DIP2C: variants seen among roughly 807,000 people sequenced by gnomAD.
DIP2C encodes disco-interacting protein 2 homolog C.
A neutral mutation model predicts 192.4 loss-of-function variants in DIP2C; 33 were observed. That is an observed-to-expected ratio of 0.17 (90% CI 0.13 to 0.23). The LOEUF is 0.23. Among genes scored for constraint, DIP2C ranks in the 10% least tolerant of loss-of-function variants. The pLI is 1.00. For missense variants in DIP2C, 1,537 were observed against 2,110.1 expected, an observed-to-expected ratio of 0.73 and a Z score of 5.32; for synonymous variants, 979 against 864.1, an observed-to-expected ratio of 1.13 and a Z score of -2.33.
chr10:283,144 G>A, intron 35 of DIP2C, 128 bp downstream of exon 35: 3 of 1,278,450 alleles, frequency 2.3e-6, no homozygotes, highest in Non-Finnish European at 3.3e-6. Flanking sequence ...TTTTCACACT[G>A]GGTTGTAGCT....
At chr10:663,180 T>A in intron 1 of DIP2C, 1 of 404,988 alleles carries the variant, frequency 2.5e-6, no homozygotes, top group South Asian at 8.2e-5. Flanking sequence ...CCAGTGTAAA[T>A]AAACTGTGGA....
At chr10:291,238 G>C (rs542918171) in intron 32 of DIP2C, among the ~76,000 whole-genome samples, 94 of 152,234 alleles carry the variant, frequency 6.2e-4, no homozygotes, top group Non-Finnish European at 1.2e-3. Context: ...AGGAAGCGAA[G>C]CAAGACGGAA....
intron 5 of DIP2C, among the ~76,000 whole-genome samples, chr10:419,741 G>T (rs1966051447): frequency 6.6e-6 from 1 of 152,144 alleles, no homozygotes; most frequent in Non-Finnish European, 1.5e-5. Context: ...CTTCATAAAA[G>T]GGGGAGACAT....
chr10:494,412 T>C (rs953898386), intron 1 of DIP2C, among the ~76,000 whole-genome samples: 30 of 152,144 alleles, frequency 2.0e-4, no homozygotes, highest in Admixed American at 7.9e-4. Context: ...AGCATTATCT[T>C]CCTATTTTAG....
intron 32 of DIP2C, among the ~76,000 whole-genome samples, chr10:289,226 G>A (rs1200431669): frequency 6.6e-6 from 1 of 151,764 alleles, no homozygotes; most frequent in East Asian, 1.9e-4. Context: ...GCGGGCAGGG[G>A]GCCTGTGGGC....
intron 1 of DIP2C, among the ~76,000 whole-genome samples, chr10:491,873 G>A (rs1439076119): frequency 2.0e-5 from 3 of 152,176 alleles, no homozygotes; most frequent in Admixed American, 1.3e-4. Context: ...CACAGGTATC[G>A]CCCCGTCAGG....
intron 1 of DIP2C, among the ~76,000 whole-genome samples, chr10:583,432 G>C (rs1347087737): frequency 6.6e-6 from 1 of 152,206 alleles, no homozygotes; most frequent in African/African-American, 2.4e-5. Flanking sequence ...GTCCTTTACG[G>C]AAGGTTCACA....
chr10:356,462 G>A lies in DIP2C; in HGVS notation c.2949C>T (p.Thr983=). ...SEVLQWRAQT[T]PDHILYTLLN... ...GCAGCGTGTAGAGGATGTGGTCCGG[G>A]GTGGTCTGTGCTCTCCACTGCAAGA... The change falls in exon 24 of 37, where the codon ACC becomes ACT. Residue 983 remains threonine, a synonymous_variant. Transcript: ENST00000280886. 3 of 1,612,134 alleles carry A rather than the reference G, an allele frequency of 1.9e-6. No individual in the cohort carries two copies. In the Middle Eastern group the frequency reaches 5.0e-4, roughly 266 times the overall value.
At chr10:613,566 C>T (rs1252419441) in intron 1 of DIP2C, among the ~76,000 whole-genome samples, 1 of 152,204 alleles carries the variant, frequency 6.6e-6, no homozygotes, top group Non-Finnish European at 1.5e-5. Context: ...TATGCGATTC[C>T]TTACCTCTCA....
intron 1 of DIP2C, chr10:662,695 A>G (rs1588713970): frequency 3.6e-6 from 2 of 554,138 alleles, no homozygotes; most frequent in Non-Finnish European, 6.6e-6. Context: ...CAAATTAGGT[A>G]TGGGCAGAAA....
At chr10:639,511 C>A (rs1855046163) in intron 1 of DIP2C, among the ~76,000 whole-genome samples, 1 of 152,258 alleles carries the variant, frequency 6.6e-6, no homozygotes, top group Non-Finnish European at 1.5e-5. Context: ...TGCTGCCCGG[C>A]TCTCAGTATC....
chr10:330,225 A>G (rs1290276661), intron 29 of DIP2C, among the ~76,000 whole-genome samples: 1 of 152,240 alleles, frequency 6.6e-6, no homozygotes, highest in Non-Finnish European at 1.5e-5. Context: ...CAATCTTTTT[A>G]AGATCAGATT....
intron 29 of DIP2C, among the ~76,000 whole-genome samples, chr10:338,500 C>T (rs961100206): frequency 6.6e-6 from 1 of 151,976 alleles, no homozygotes; most frequent in Non-Finnish European, 1.5e-5. Context: ...TCTCGACACA[C>T]GACCACTTAC....
At chr10:624,146 CG>C (rs1230611904) in intron 1 of DIP2C, among the ~76,000 whole-genome samples, 6 of 152,220 alleles carry the variant, frequency 3.9e-5, no homozygotes, top group Non-Finnish European at 7.3e-5. Context: ...GGGAGCCGCA[CG>C]GCGAGGCCCC....
chr10:327,187 T>C lies in DIP2C; in HGVS notation c.3754-11A>G, dbSNP rs369055272. The C allele has an allele frequency of 9.3e-6, 15 of 1,611,560 alleles. No homozygotes were observed. The highest frequency in any genetic ancestry group is 2.2e-5 in the East Asian group (1 of 44,862). On this transcript the variant is annotated splice_polypyrimidine_tract_variant and intron_variant, in intron 30 of 36. Coordinates refer to ENST00000280886, the MANE Select transcript of DIP2C (RefSeq NM_014974.3). ...GTCCAGCCCTCGCGCCTGGAGATGA[T>C]GACAGAGAAACCGAGTCAGCCCCCA...
intron 1 of DIP2C, among the ~76,000 whole-genome samples, chr10:618,531 G>A (rs1451342553): frequency 6.6e-6 from 1 of 152,222 alleles, no homozygotes; most frequent in African/African-American, 2.4e-5. Context: ...ATACCACACA[G>A]CGTCCACGCC....
intron 1 of DIP2C, among the ~76,000 whole-genome samples, chr10:597,937 C>G (rs1851813125): frequency 6.6e-6 from 1 of 152,140 alleles, no homozygotes; most frequent in African/African-American, 2.4e-5. Flanking sequence ...AGGAAAGCAC[C>G]CATCTGTCCA....
rs193038390 is a variant in DIP2C, at chr10:541,499, C to A, written c.86-54969G>T. Among the ~76,000 whole-genome samples the A allele has an allele frequency of 1.5e-4, 20 of 135,154 alleles. No individual in the cohort carries two copies. In the East Asian group the frequency reaches 4.7e-3, roughly 32 times the overall value. The allele number at this position is 135,154 out of a possible 152,430, so 88.7% of individuals were successfully genotyped here. A position where few individuals can be genotyped will look rare whatever the true frequency, so the allele number is the denominator to read the frequency against. On this transcript the variant is annotated intron_variant, in intron 1 of 36. Coordinates refer to ENST00000280886, the MANE Select transcript of DIP2C (RefSeq NM_014974.3). ...ACCCCCATATCTCTCCTGGATCCCACAGCATGACCCTCCACACTGACCACA... is the reference window on the plus strand; with the variant it reads ...ACCCCCATATCTCTCCTGGATCCCAAAGCATGACCCTCCACACTGACCACA...
intron 29 of DIP2C, among the ~76,000 whole-genome samples, chr10:338,331 C>A (rs555660630): frequency 6.6e-6 from 1 of 152,168 alleles, no homozygotes; most frequent in Non-Finnish European, 1.5e-5. Flanking sequence ...GTGTCCTGGC[C>A]TCACGTTCAG....
Sources: gnomAD v4.1 joint callset for allele counts (sites outside exome capture counted in the v4.1 genomes callset) on GRCh38, gnomAD v4.1.1 for gene constraint, MANE v1.5 for transcripts, NCBI Gene and HGNC (gene_info 2026-07-23, HGNC 2026-07-21) for gene names.